Variants in IQSEC2 observed in about 807,000 individuals in gnomAD.
IQSEC2 encodes the protein IQ motif and Sec7 domain ArfGEF 2, also known as IQ motif and SEC7 domain-containing protein 2.
IQSEC2 carries 6 observed loss-of-function variants against 74.6 expected under a neutral mutation model. The ratio of observed to expected loss-of-function variants is 0.08; its 90% CI spans 0.04 to 0.16. The LOEUF (loss-of-function observed/expected upper bound fraction) is 0.16, where lower values mean the gene tolerates loss of function less well. Among genes scored for constraint, IQSEC2 ranks in the 10% least tolerant of loss-of-function variants. IQSEC2 has a pLI of 1.00. For synonymous variants in IQSEC2, 494 were observed against 544.5 expected, an observed-to-expected ratio of 0.91 and a Z score of 1.29; for missense variants, 734 against 1,306.2, an observed-to-expected ratio of 0.56 and a Z score of 6.75.
chrX:53,307,150 C>G (rs1166090111), intron 1 of IQSEC2, among the ~76,000 whole-genome samples: 1 of 110,033 alleles, frequency 9.1e-6, no homozygotes, highest in Non-Finnish European at 1.9e-5. Flanking sequence ...GCTATTCATT[C>G]TGGCCTTTGG....
chrX:53,243,539 C>T (rs2074257368), intron 8 of IQSEC2, 68 bp from the exon 9 acceptor site: 2 of 1,098,192 alleles, frequency 1.8e-6, no homozygotes, highest in South Asian at 2.4e-5. Context: ...GGTGCTCCAC[C>T]ACCCCCACAC....
intron 8 of IQSEC2, among the ~76,000 whole-genome samples, chrX:53,244,197 C>T (rs1462827733): frequency 8.4e-5 from 8 of 94,988 alleles, no homozygotes; most frequent in African/African-American, 3.2e-4. Context: ...GCCTGAGCAA[C>T]AAGATTGAGA....
At chrX:53,266,735 C>T (rs1030476275) in intron 2 of IQSEC2, 10 of 969,395 alleles carry the variant, frequency 1.0e-5, no homozygotes, top group Non-Finnish European at 1.3e-5. Flanking sequence ...TTAGTCGGAC[C>T]TAGGGCTCCA....
At chrX:53,308,163 CAAAAAAAAAAA>C (rs142766855) in intron 1 of IQSEC2, among the ~76,000 whole-genome samples, 24 of 37,756 alleles carry the variant, frequency 6.4e-4, no homozygotes, top group African/African-American at 2.6e-3. Context: ...GACTCCATCT[CAAAAAAAAAAA>C]AAAAAAAAAA....
chrX:53,266,372 A>T (rs2074656324), intron 2 of IQSEC2: 1 of 753,916 alleles, frequency 1.3e-6, no homozygotes, highest in Non-Finnish European at 1.6e-6. Context: ...GTACACAGCA[A>T]CACGCACTCT....
chrX:53,250,405 G>A lies in IQSEC2; in HGVS notation c.2171C>T (p.Pro724Leu). 1 of 1,211,888 alleles carries A rather than the reference G, an allele frequency of 8.3e-7. No individual in the cohort carries two copies. Among genetic ancestry groups the A allele is most frequent in the Non-Finnish European group, 1.1e-6 (1 of 895,421 alleles). ...CTGCTTGCACAGGCCGGTAGCCGGA[G>A]GCTCCCTTAGACTGTCCCGAGAAGA... ...GSSSRDSLREPPATGLCKQTY... is the reference protein window; with the variant it reads ...GSSSRDSLRELPATGLCKQTY... The change falls in exon 5 of 15, where the codon CCT (proline) becomes CTT (leucine). Residue 724 changes from proline to leucine, a missense_variant. Around this residue, in one of 12 missense-constraint regions of IQSEC2, gnomAD observed 204 missense variants for 305.4 expected, o/e 0.67. Transcript: ENST00000642864.
intron 8 of IQSEC2, among the ~76,000 whole-genome samples, chrX:53,244,194 CA>C (rs2074266865): frequency 1.1e-5 from 1 of 93,765 alleles, no homozygotes; most frequent in Admixed American, 1.3e-4. Context: ...CCAGCCTGAG[CA>C]ACAAGATTGA....
At chrX:53,294,824 G>A (rs923628697) in intron 1 of IQSEC2, among the ~76,000 whole-genome samples, 20 of 110,678 alleles carry the variant, frequency 1.8e-4, no homozygotes, top group Admixed American at 1.1e-3. Context: ...TTATTTATTT[G>A]TTTGTTTGTT....
intron 2 of IQSEC2, among the ~76,000 whole-genome samples, chrX:53,284,101 T>C (rs978159730): frequency 9.0e-6 from 1 of 110,944 alleles, no homozygotes; most frequent in African/African-American, 3.3e-5. Flanking sequence ...AAGAGCAATT[T>C]GGAAGCCTGT....
intron 2 of IQSEC2, among the ~76,000 whole-genome samples, chrX:53,263,360 CAG>C (rs2074599344): frequency 9.0e-6 from 1 of 111,003 alleles, no homozygotes; most frequent in Non-Finnish European, 1.9e-5. Flanking sequence ...AATGGAGGCC[CAG>C]AGAGTCAAAG....
chrX:53,278,861 T>C (rs1429497169), intron 2 of IQSEC2, among the ~76,000 whole-genome samples: 1 of 112,383 alleles, frequency 8.9e-6, no homozygotes, highest in Non-Finnish European at 1.9e-5. Flanking sequence ...AAACATAAAA[T>C]AGGTTTTCTA....
chrX:53,239,454 A>G, intron 10 of IQSEC2, 160 bp from the exon 11 acceptor site: 1 of 438,259 alleles, frequency 2.3e-6, no homozygotes, highest in Admixed American at 3.4e-5. Flanking sequence ...AGCTTGAGGG[A>G]CAGAATGGGA....
intron 8 of IQSEC2, among the ~76,000 whole-genome samples, chrX:53,243,704 T>C (rs1467828148): frequency 2.7e-5 from 3 of 111,903 alleles, no homozygotes; most frequent in Non-Finnish European, 5.7e-5. Context: ...GAATACACTG[T>C]AATTAAAACA....
rs781851917 is a variant in IQSEC2, at chrX:53,259,630, G to A, written c.738-3569C>T. Among the ~76,000 whole-genome samples, 7 of 109,962 alleles carry A rather than the reference G, an allele frequency of 6.4e-5. No homozygotes were observed. In the East Asian group the frequency reaches 1.7e-3, roughly 27 times the overall value. Reference sequence around the variant, plus strand: ...AGCCTGGGCAACATAGGGAGACCCCGTCTCTACAGAAAATAAAAAATTAGC... The same window carrying A: ...AGCCTGGGCAACATAGGGAGACCCCATCTCTACAGAAAATAAAAAATTAGC... On this transcript the variant is annotated intron_variant, in intron 2 of 14. Transcript: ENST00000642864.
chrX:53,239,802 C>A lies in IQSEC2; in HGVS notation c.3016-508G>T, dbSNP rs782487687. On this transcript the variant is annotated intron_variant, in intron 10 of 14. Coordinates refer to ENST00000642864, the MANE Select transcript of IQSEC2 (RefSeq NM_001111125.3). ...GTTAATAAGTCTTCCTCTCAACAACCCAATATCTTTGTCGAGTACTTGGGC... is the reference window on the plus strand; with the variant it reads ...GTTAATAAGTCTTCCTCTCAACAACACAATATCTTTGTCGAGTACTTGGGC... Among the ~76,000 whole-genome samples, 86 of 111,884 alleles carry A rather than the reference C, an allele frequency of 7.7e-4. 1 individual carries two copies. The highest frequency in any genetic ancestry group is 1.4e-3 in the Non-Finnish European group (73 of 53,214).
intron 1 of IQSEC2, 113 bp from the exon 2 acceptor site, chrX:53,292,037 A>C (rs972430853): frequency 6.7e-6 from 4 of 596,719 alleles, no homozygotes; most frequent in Non-Finnish European, 8.0e-6. Context: ...CATCACAAAA[A>C]TGAGGGGAAG....
intron 2 of IQSEC2, among the ~76,000 whole-genome samples, chrX:53,271,715 T>C (rs1269818232): frequency 8.9e-6 from 1 of 111,889 alleles, no homozygotes; most frequent in Non-Finnish European, 1.9e-5. Flanking sequence ...CTGGTTTCCC[T>C]GCATACAACC....
chrX:53,275,229 G>C (rs893755112), intron 2 of IQSEC2, among the ~76,000 whole-genome samples: 2 of 110,090 alleles, frequency 1.8e-5, no homozygotes, highest in Non-Finnish European at 3.8e-5. Flanking sequence ...GCAGTGGCGA[G>C]ATCTCAGCTC....
At chrX:53,275,169 T>TC (rs1205160778) in intron 2 of IQSEC2, among the ~76,000 whole-genome samples, 54 of 110,826 alleles carry the variant, frequency 4.9e-4, no homozygotes, top group African/African-American at 1.7e-3. Flanking sequence ...GCTTTTTTTT[T>TC]CTTCTTTTGA....
Sources: allele counts gnomAD v4.1 joint callset (sites outside exome capture counted in the v4.1 genomes callset), GRCh38; gene constraint gnomAD v4.1.1; regional missense constraint gnomAD v4.1.1; transcripts MANE v1.5; gene names NCBI Gene and HGNC (gene_info 2026-07-23, HGNC 2026-07-21).